Variants in NKAIN2 observed in about 807,000 individuals in gnomAD.
NKAIN2 encodes the protein sodium/potassium-transporting ATPase subunit beta-1-interacting protein 2.
A neutral mutation model predicts 32.6 loss-of-function variants in NKAIN2; 14 were observed. That is an observed-to-expected ratio of 0.43 (90% CI 0.28 to 0.67). NKAIN2 has a LOEUF of 0.67. Ranked by LOEUF, NKAIN2 falls within the 30% of genes least tolerant of loss-of-function variation. NKAIN2 has a pLI of 0.17. For missense variants in NKAIN2, 198 were observed against 258.3 expected, an observed-to-expected ratio of 0.77 and a Z score of 1.60; for synonymous variants, 80 against 87.2, an observed-to-expected ratio of 0.92 and a Z score of 0.46.
chr6:123,959,063 G>T (rs1777725192), intron 1 of NKAIN2, among the ~76,000 whole-genome samples: 2 of 152,106 alleles, frequency 1.3e-5, no homozygotes, highest in Admixed American at 1.3e-4. Flanking sequence ...GCTAAGGACC[G>T]GGAGAAGATG....
intron 1 of NKAIN2, among the ~76,000 whole-genome samples, chr6:124,108,778 C>A (rs181326270): frequency 6.6e-6 from 1 of 152,118 alleles, no homozygotes; most frequent in Admixed American, 6.6e-5. Context: ...TTTCCTACCA[C>A]CATTTGTTTA....
rs1042761227 is a variant in NKAIN2 at position 124,063,431 on chromosome 6, T to A, written c.55-219574T>A. Among the ~76,000 whole-genome samples, 23 of 152,266 alleles carry A rather than the reference T, an allele frequency of 1.5e-4. No homozygotes were observed. The East Asian group carries it at 4.4e-3, about 29-fold the overall frequency. On this transcript the variant is annotated intron_variant, in intron 1 of 6. Coordinates refer to ENST00000368417, the MANE Select transcript of NKAIN2 (RefSeq NM_001040214.3). The stretch of plus-strand genomic sequence containing the variant: ...GTTGTTTAAATCTCATTTAATTAAA[T>A]GATTTAATTTAGTCATTGATCACTG...
chr6:124,677,246 G>A (rs1773405182), intron 4 of NKAIN2, among the ~76,000 whole-genome samples: 2 of 152,196 alleles, frequency 1.3e-5, no homozygotes, highest in South Asian at 4.1e-4. Flanking sequence ...TGGGATTACA[G>A]GCGTGAGCCA....
At chr6:124,455,012 T>C (rs983233113) in intron 3 of NKAIN2, among the ~76,000 whole-genome samples, 1 of 152,038 alleles carries the variant, frequency 6.6e-6, no homozygotes, top group African/African-American at 2.4e-5. Context: ...TCAGCCCATC[T>C]ACCTGAAATT....
intron 1 of NKAIN2, among the ~76,000 whole-genome samples, chr6:123,928,122 A>G (rs1776089350): frequency 6.6e-6 from 1 of 152,220 alleles, no homozygotes. Context: ...GCTGAAAGCC[A>G]TTATCCTAAG....
At chr6:124,044,545 C>A (rs1290452801) in intron 1 of NKAIN2, among the ~76,000 whole-genome samples, 1 of 152,044 alleles carries the variant, frequency 6.6e-6, no homozygotes, top group East Asian at 1.9e-4. Context: ...CTGGAAGTTT[C>A]TTCTGAGGAC....
intron 1 of NKAIN2, among the ~76,000 whole-genome samples, chr6:124,015,252 C>G (rs1780512190): frequency 6.6e-6 from 1 of 152,248 alleles, no homozygotes; most frequent in East Asian, 1.9e-4. Flanking sequence ...ATAAGCCAAC[C>G]ATTATTAATC....
At chr6:124,099,921 G>T (rs1001725772) in intron 1 of NKAIN2, among the ~76,000 whole-genome samples, 6 of 152,050 alleles carry the variant, frequency 3.9e-5, no homozygotes, top group Non-Finnish European at 7.4e-5. Flanking sequence ...TGTTTATTTT[G>T]GTTTGGATTT....
At chr6:124,542,204 T>C (rs1416211150) in intron 3 of NKAIN2, among the ~76,000 whole-genome samples, 1 of 152,112 alleles carries the variant, frequency 6.6e-6, no homozygotes, top group Non-Finnish European at 1.5e-5. Context: ...ATATGTTGCA[T>C]TTTACAACTA....
At chr6:124,465,098 G>T (rs1459065985) in intron 3 of NKAIN2, among the ~76,000 whole-genome samples, 2 of 151,966 alleles carry the variant, frequency 1.3e-5, no homozygotes, top group Admixed American at 1.3e-4. Context: ...CTTATAAACA[G>T]AAATACCATT....
At chr6:124,253,202 C>T (rs901063452) in intron 1 of NKAIN2, among the ~76,000 whole-genome samples, 1 of 152,042 alleles carries the variant, frequency 6.6e-6, no homozygotes, top group South Asian at 2.1e-4. Flanking sequence ...AGTGTGGAAG[C>T]CTTGCACATT....
intron 3 of NKAIN2, among the ~76,000 whole-genome samples, chr6:124,424,896 T>G (rs1023052313): frequency 1.3e-5 from 2 of 152,198 alleles, no homozygotes; most frequent in Admixed American, 1.3e-4. Context: ...TTCAAGATAT[T>G]GGTTTCTTTT....
At chr6:124,412,393 G>A (rs554753621) in intron 3 of NKAIN2, among the ~76,000 whole-genome samples, 48 of 152,194 alleles carry the variant, frequency 3.2e-4, no homozygotes, top group Non-Finnish European at 6.2e-4. Context: ...CCGTCTGACA[G>A]TCAGGACTCT....
chr6:123,848,772 G>T (rs1775196093), intron 1 of NKAIN2, among the ~76,000 whole-genome samples: 1 of 152,156 alleles, frequency 6.6e-6, no homozygotes, highest in Admixed American at 6.5e-5. Flanking sequence ...CTTTAGAATA[G>T]ACAGAATTCT....
At chr6:124,628,690 G>GAAAT (rs1186112886) in intron 3 of NKAIN2, among the ~76,000 whole-genome samples, 2 of 151,870 alleles carry the variant, frequency 1.3e-5, no homozygotes, top group South Asian at 2.1e-4. Flanking sequence ...TCAAAAGTGG[G>GAAAT]AAATAGATAT....
chr6:124,657,165 T>C (rs1369806212), intron 3 of NKAIN2, among the ~76,000 whole-genome samples: 2 of 152,222 alleles, frequency 1.3e-5, no homozygotes, highest in Admixed American at 1.3e-4. Context: ...ACTTAAGACG[T>C]TATCTGTACA....
chr6:124,448,466 C>T lies in NKAIN2; in HGVS notation c.273+93119C>T, dbSNP rs552010762. On this transcript the variant is annotated intron_variant, in intron 3 of 6. Transcript: ENST00000368417. ...TTTTCCTTAATTTGGAAGCAGCTTC[C>T]TGCTTCTTGCCCTATCTCTAGCCTC... is the stretch of plus-strand genomic sequence containing the variant. Among the ~76,000 whole-genome samples, 183 of 152,256 alleles carry T rather than the reference C, an allele frequency of 1.2e-3. 2 individuals are homozygous for T. Among genetic ancestry groups the T allele is most frequent in the Non-Finnish European group, 2.2e-4 (15 of 68,012 alleles).
chr6:124,541,322 C>T (rs1484896370), intron 3 of NKAIN2, among the ~76,000 whole-genome samples: 3 of 152,096 alleles, frequency 2.0e-5, no homozygotes, highest in Non-Finnish European at 4.4e-5. Context: ...AAGGGTGAGA[C>T]ACAAAATAGC....
At chr6:124,806,484 G>A (rs961963272) in intron 5 of NKAIN2, among the ~76,000 whole-genome samples, 9 of 151,950 alleles carry the variant, frequency 5.9e-5, no homozygotes, top group South Asian at 2.1e-4. Context: ...AGCTCCTGAA[G>A]GAAACACTAA....
Sources: gnomAD v4.1 joint callset for allele counts (sites outside exome capture counted in the v4.1 genomes callset) on GRCh38, gnomAD v4.1.1 for gene constraint, MANE v1.5 for transcripts, NCBI Gene and HGNC (gene_info 2026-07-23, HGNC 2026-07-21) for gene names.